SPDYE1: variants seen among roughly 807,000 people sequenced by gnomAD.
SPDYE1 encodes the protein speedy/RINGO cell cycle regulator family member E1.
Under a neutral mutation model 45.9 loss-of-function variants are expected in SPDYE1, and 29 were observed. That is an observed-to-expected ratio of 0.63 (90% confidence interval 0.47 to 0.86). The LOEUF (loss-of-function observed/expected upper bound fraction) is 0.86, where lower values mean the gene tolerates loss of function less well. SPDYE1 is among the 40% of genes least tolerant of loss of function. The pLI is 0.00. For missense variants in SPDYE1, 346 were observed against 481.4 expected (o/e 0.72, Z 2.63); for synonymous variants, 134 against 176.8 (o/e 0.76, Z 1.92).
At chr7:44,006,852 G>A (rs1457753554) in intron 6 of SPDYE1, among the ~76,000 whole-genome samples, 7 of 152,180 alleles carry the variant, frequency 4.6e-5, no homozygotes, top group African/African-American at 7.2e-5. Flanking sequence ...GGTCTCAAGC[G>A]ATCCACCTGC....
At chr7:44,008,509 G>T (rs373343795) in intron 8 of SPDYE1, among the ~76,000 whole-genome samples, 158 bp from the exon 9 acceptor site, 1 of 152,138 alleles carries the variant, frequency 6.6e-6, no homozygotes, top group African/African-American at 2.4e-5. Context: ...TTTCACAGTT[G>T]AACACGATGG....
chr7:44,003,833 C>T lies in SPDYE1; in HGVS notation c.608-20C>T. 1.2e-6 allele frequency: 1 copy of T among 860,406 alleles called. No homozygotes were observed. Among genetic ancestry groups the T allele is most frequent in the Non-Finnish European group, 1.8e-6 (1 of 561,024 alleles). 53.3% of individuals were successfully genotyped at this position (860,406 alleles called of 1,614,324 possible). On this transcript the variant is annotated intron_variant, in intron 4 of 8. Coordinates refer to ENST00000693451, the MANE Select transcript of SPDYE1 (RefSeq NM_001378423.2). ...AACCCTGTCCTGCTTCTCACACTGA[C>T]ATCTGCTCTCTAATCACAGAGGATC...
chr7:44,008,572 T>C, intron 8 of SPDYE1, 95 bp from the exon 9 acceptor site: 3 of 1,158,796 alleles, frequency 2.6e-6, no homozygotes, highest in Non-Finnish European at 3.2e-6. Flanking sequence ...CATTTCTCAA[T>C]TGCTCTGAAC....
At chr7:44,005,320 A>G (rs1348335230) in intron 6 of SPDYE1, 93 bp downstream of exon 6, 1 of 1,458,064 alleles carries the variant, frequency 6.9e-7, no homozygotes, top group Non-Finnish European at 9.6e-7. Flanking sequence ...TCTTTCACCT[A>G]TTTGTCCTCT....
At chr7:44,000,589 T>G (rs1306372224) in intron 2 of SPDYE1, among the ~76,000 whole-genome samples, 5 of 150,366 alleles carry the variant, frequency 3.3e-5, no homozygotes, top group South Asian at 2.1e-4. Context: ...GCCAGGAGTT[T>G]GAGACCAGCC....
At chr7:44,007,023 T>C (rs2096072163) in intron 6 of SPDYE1, among the ~76,000 whole-genome samples, 1 of 152,230 alleles carries the variant, frequency 6.6e-6, no homozygotes, top group African/African-American at 2.4e-5. Flanking sequence ...TGTGCTGGGA[T>C]TCCAGGCGTA....
chr7:44,002,316 CAACAAA>C (rs1429107974), intron 3 of SPDYE1, among the ~76,000 whole-genome samples: 1 of 47,788 alleles, frequency 2.1e-5, no homozygotes, highest in Admixed American at 2.7e-4. Flanking sequence ...TCAACAACAA[CAACAAA>C]AAAAAAAAAA....
intron 2 of SPDYE1, chr7:44,000,766 T>C: frequency 8.5e-7 from 1 of 1,173,862 alleles, no homozygotes; most frequent in Non-Finnish European, 1.1e-6. Context: ...CACTCCAACC[T>C]GGGTGACAAA....
At chr7:44,005,737 T>C (rs184631250) in intron 6 of SPDYE1, among the ~76,000 whole-genome samples, 1,605 of 140,254 alleles carry the variant, frequency 0.011, 36 homozygotes, top group African/African-American at 0.04. Flanking sequence ...AATAAAAGAA[T>C]AAAACAAAAG....
chr7:44,001,669 GC>G (rs1375151194), intron 3 of SPDYE1, among the ~76,000 whole-genome samples: 2 of 152,094 alleles, frequency 1.3e-5, no homozygotes, highest in Non-Finnish European at 2.9e-5. Context: ...AAAAACGAAG[GC>G]CGGGTGTGGT....
In SPDYE1 at chr7:44,007,426, A is replaced by C. The variant is rs201367756; in HGVS notation, c.911A>C (p.His304Pro). The C allele has an allele frequency of 6.2e-7, 1 of 1,611,778 alleles. No individual in the cohort carries two copies. The highest frequency in any genetic ancestry group is 8.5e-7 in the Non-Finnish European group (1 of 1,179,098). ...MNPRARKNRS[H>P]IPLVRKRRFQ... ...CCGAGGGCCAGGAAGAACCGCTCTC[A>C]CATACCCTTGGTCCGTAAGCGTCGG... Residue 304 changes from histidine to proline, a missense_variant, in exon 7 of 9, where the codon CAC becomes CCC. Physicochemically the swap from His to Pro is moderately conservative, Grantham distance 77. Around this residue, in one of 4 missense-constraint regions of SPDYE1, gnomAD observed 186 missense variants for 219.1 expected, o/e 0.85. Coordinates refer to ENST00000693451, the MANE Select transcript of SPDYE1 (RefSeq NM_001378423.2).
Position 43,998,421 on chromosome 7 carries a change from T to C in SPDYE1, c.-423+462T>C, listed in dbSNP as rs2096058317. 4.6e-5 allele frequency among the ~76,000 whole-genome samples: 7 copies of C among 151,322 alleles called. No homozygotes were observed. The South Asian group carries it at 1.3e-3, about 27-fold the overall frequency. On this transcript the variant is annotated intron_variant, in intron 1 of 8. Transcript: ENST00000693451. Reference sequence around the variant, plus strand: ...CCTGCGCACCATGAGTTCAAGTGATTCTCCAGCGCCCTCTCCTGAGTAGCT... The same window carrying C: ...CCTGCGCACCATGAGTTCAAGTGATCCTCCAGCGCCCTCTCCTGAGTAGCT...
Position 44,007,099 on chromosome 7 carries a change from A to G in SPDYE1, c.753-169A>G, listed in dbSNP as rs2096072280. On this transcript the variant is annotated intron_variant, in intron 6 of 8. Coordinates refer to ENST00000693451, the MANE Select transcript of SPDYE1 (RefSeq NM_001378423.2). ...CCTGAAGGAGTGGGAGACGCTCTTG[A>G]TCAGGTCTCTGTCCAGCAGAGCCCT... 4 of 1,483,044 alleles carry G rather than the reference A, an allele frequency of 2.7e-6. No individual in the cohort carries two copies. In the Admixed American group the frequency reaches 6.8e-5, roughly 25 times the overall value. 91.9% of individuals were successfully genotyped at this position (1,483,044 alleles called of 1,614,324 possible). A position where few individuals can be genotyped will look rare whatever the true frequency, so the allele number is the denominator to read the frequency against.
intron 1 of SPDYE1, among the ~76,000 whole-genome samples, chr7:43,998,407 T>C (rs902036356): frequency 1.3e-5 from 2 of 151,454 alleles, no homozygotes; most frequent in African/African-American, 2.4e-5. Context: ...CTGCGCACCA[T>C]GAGTTCAAGT....
chr7:44,004,969 T>A (rs1317665222), intron 5 of SPDYE1, 173 bp from the exon 6 acceptor site: 10 of 759,974 alleles, frequency 1.3e-5, no homozygotes, highest in Non-Finnish European at 2.1e-5. Context: ...CGGATTTGCA[T>A]CCGACCTTCG....
chr7:43,998,374 G>T (rs1049300291), intron 1 of SPDYE1, among the ~76,000 whole-genome samples: 1 of 151,194 alleles, frequency 6.6e-6, no homozygotes, highest in Non-Finnish European at 1.5e-5. Flanking sequence ...GAGCACAATG[G>T]TGCGATCTTG....
At chr7:44,001,702 T>TA (rs1430070422) in intron 3 of SPDYE1, among the ~76,000 whole-genome samples, 6 of 152,020 alleles carry the variant, frequency 3.9e-5, no homozygotes, top group African/African-American at 1.2e-4. Context: ...GTAATCCCAT[T>TA]ACTTTGGGAG....
chr7:44,009,028 C>T lies in SPDYE1; in HGVS notation c.*407C>T. ...GCCACAGTCCAGGAGCATTTGAAGG[C>T]ACAATGCAGGGGCTCAGATTGGCAC... is the stretch of plus-strand genomic sequence containing the variant. On this transcript the variant is annotated 3_prime_UTR_variant, in exon 9 of 9. Transcript: ENST00000693451. 4 of 356,202 alleles carry T rather than the reference C, an allele frequency of 1.1e-5. No homozygotes were observed. Among genetic ancestry groups the T allele is most frequent in the South Asian group, 8.6e-5 (4 of 46,622 alleles). 22.1% of individuals were successfully genotyped at this position (356,202 alleles called of 1,614,324 possible). A position where few individuals can be genotyped will look rare whatever the true frequency, so the allele number is the denominator to read the frequency against.
In SPDYE1 at chr7:44,002,609, C is replaced by T. The variant is rs1450961046; in HGVS notation, c.399C>T (p.Ser133=). The change falls in exon 4 of 9, where the codon AGC becomes AGT. Residue 133 remains serine, a synonymous_variant. Coordinates refer to ENST00000693451, the MANE Select transcript of SPDYE1 (RefSeq NM_001378423.2). Reference sequence around the variant, plus strand: ...ACTCAGCCCCTGGGGTAGATCCCAGCCCCCCGCATAGGTCCTTTTGCTGGA... The same window carrying T: ...ACTCAGCCCCTGGGGTAGATCCCAGTCCCCCGCATAGGTCCTTTTGCTGGA... ...NSQLAPGVDP[S]PPHRSFCWKR... 4 of 1,592,960 alleles carry T rather than the reference C, an allele frequency of 2.5e-6. No homozygotes were observed. In the South Asian group the frequency reaches 4.4e-5, roughly 18 times the overall value.
Sources: allele counts gnomAD v4.1 joint callset (sites outside exome capture counted in the v4.1 genomes callset), GRCh38; gene constraint gnomAD v4.1.1; regional missense constraint gnomAD v4.1.1; transcripts MANE v1.5; gene names NCBI Gene and HGNC (gene_info 2026-07-23, HGNC 2026-07-21).